The following MID1 variants were observed in gnomAD, a reference collection of about 807,000 sequenced individuals.
The protein encoded by MID1 is E3 ubiquitin-protein ligase Midline-1.
A neutral mutation model predicts 40.4 loss-of-function variants in MID1; 7 were observed. The ratio of observed to expected loss-of-function variants is 0.17; its 90% confidence interval spans 0.10 to 0.33. The LOEUF is 0.33. Among genes scored for constraint, MID1 ranks in the 10% least tolerant of loss-of-function variants. The probability of loss-of-function intolerance (pLI) is 1.00; values close to 1 mark genes in which losing one functional copy is unlikely to be tolerated. For synonymous variants in MID1, 229 were observed against 221.2 expected (o/e 1.04, Z -0.31); for missense variants, 367 against 558.5 (o/e 0.66, Z 3.46).
intron 1 of MID1, among the ~76,000 whole-genome samples, chrX:10,805,909 G>T (rs1386926515): frequency 9.1e-6 from 1 of 109,873 alleles, no homozygotes; most frequent in African/African-American, 3.3e-5. Flanking sequence ...CCCACTTTTT[G>T]ATGGGGTTGT....
intron 1 of MID1, among the ~76,000 whole-genome samples, chrX:10,660,520 A>C (rs759785586): frequency 2.0e-4 from 23 of 112,388 alleles, no homozygotes; most frequent in Non-Finnish European, 3.9e-4. Context: ...CGTTTATGAG[A>C]TCTCCACATC....
At chrX:10,593,762 G>C (rs866243584) in intron 1 of MID1, among the ~76,000 whole-genome samples, 7 of 83,317 alleles carry the variant, frequency 8.4e-5, no homozygotes, top group African/African-American at 1.3e-4. Flanking sequence ...CTGTCCCTCT[G>C]ACACACACAC....
chrX:10,664,451 T>G (rs2042937199), intron 1 of MID1, among the ~76,000 whole-genome samples: 1 of 112,369 alleles, frequency 8.9e-6, no homozygotes, highest in Non-Finnish European at 1.9e-5. Flanking sequence ...ATTATAGGCA[T>G]GAGCCACCAC....
chrX:10,741,325 G>A (rs962787543), intron 1 of MID1, among the ~76,000 whole-genome samples: 2 of 111,130 alleles, frequency 1.8e-5, no homozygotes, highest in Non-Finnish European at 3.8e-5. Context: ...TTTTAGGATC[G>A]TGAGAGGCTT....
At chrX:10,606,216 C>T (rs1003081380) in intron 1 of MID1, among the ~76,000 whole-genome samples, 1 of 110,409 alleles carries the variant, frequency 9.1e-6, no homozygotes, top group South Asian at 3.8e-4. Flanking sequence ...AATTCTAATA[C>T]AGGTAAGAAT....
intron 1 of MID1, among the ~76,000 whole-genome samples, chrX:10,671,079 C>T (rs2042984601): frequency 8.9e-6 from 1 of 111,947 alleles, no homozygotes; most frequent in Non-Finnish European, 1.9e-5. Flanking sequence ...TCATGGATCA[C>T]ACCCTACTGA....
intron 1 of MID1, among the ~76,000 whole-genome samples, chrX:10,795,814 T>C (rs1163197802): frequency 8.9e-6 from 1 of 112,233 alleles, no homozygotes; most frequent in Non-Finnish European, 1.9e-5. Context: ...TTTACAACTC[T>C]GAAAAGGCCA....
At chrX:10,635,275 T>C (rs1489754475) in intron 1 of MID1, among the ~76,000 whole-genome samples, 2 of 111,972 alleles carry the variant, frequency 1.8e-5, no homozygotes, top group African/African-American at 6.5e-5. Context: ...CCCACATGTA[T>C]CCTACTTTAG....
At chrX:10,672,239 T>C (rs754311880) in intron 1 of MID1, among the ~76,000 whole-genome samples, 2 of 109,086 alleles carry the variant, frequency 1.8e-5, no homozygotes, top group Non-Finnish European at 3.8e-5. Flanking sequence ...AAAAAAAAAA[T>C]TGAAAGAAGA....
At chrX:10,583,689 C>T (rs1935069588) in intron 1 of MID1, among the ~76,000 whole-genome samples, 1 of 112,014 alleles carries the variant, frequency 8.9e-6, no homozygotes, top group Non-Finnish European at 1.9e-5. Flanking sequence ...ATGTTTTAGT[C>T]CATTTTGTGC....
At chrX:10,536,898 G>A (rs1397089611) in intron 2 of MID1, among the ~76,000 whole-genome samples, 8 of 111,473 alleles carry the variant, frequency 7.2e-5, no homozygotes, top group East Asian at 2.8e-4. Flanking sequence ...GGCCTTTCCC[G>A]AGTTCCTTCA....
chrX:10,787,660 C>T, intron 1 of MID1, among the ~76,000 whole-genome samples: 1 of 100,143 alleles, frequency 1.0e-5, no homozygotes. Context: ...ATCCTCTCGG[C>T]TAAGCCTCCC....
chrX:10,554,522 C>T (rs907720693), intron 2 of MID1, among the ~76,000 whole-genome samples: 2 of 111,795 alleles, frequency 1.8e-5, no homozygotes, highest in African/African-American at 3.3e-5. Flanking sequence ...AATATTTGTA[C>T]ATATTTATGG....
At chrX:10,588,003 C>T (rs749139798) in intron 1 of MID1, among the ~76,000 whole-genome samples, 72 of 111,835 alleles carry the variant, frequency 6.4e-4, no homozygotes, top group African/African-American at 2.0e-3. Flanking sequence ...TGTTAAAGAG[C>T]AGGTTGGTGC....
chrX:10,574,966 C>T (rs1282182696), intron 1 of MID1, among the ~76,000 whole-genome samples: 4 of 112,662 alleles, frequency 3.6e-5, no homozygotes, highest in African/African-American at 1.3e-4. Flanking sequence ...TTTACCAAAA[C>T]ATAACTGAGA....
intron 1 of MID1, among the ~76,000 whole-genome samples, chrX:10,771,090 G>A (rs1474424448): frequency 9.6e-6 from 1 of 103,782 alleles, no homozygotes. Context: ...GGGTGAGAGA[G>A]AGACTCTGTC....
intron 1 of MID1, among the ~76,000 whole-genome samples, chrX:10,655,091 G>T (rs369359097): frequency 3.6e-5 from 4 of 112,112 alleles, no homozygotes; most frequent in Admixed American, 9.4e-5. Context: ...AAGTTGGACA[G>T]CGGAAGAATG....
chrX:10,788,333 G>A (rs926497660), intron 1 of MID1, among the ~76,000 whole-genome samples: 2 of 111,735 alleles, frequency 1.8e-5, no homozygotes, highest in South Asian at 3.8e-4. Context: ...AATGACTTAA[G>A]TTTCCTTGAA....
intron 2 of MID1, among the ~76,000 whole-genome samples, chrX:10,534,995 C>T (rs1377460628): frequency 8.9e-6 from 1 of 112,544 alleles, no homozygotes; most frequent in Admixed American, 9.4e-5. Context: ...ATCATCTTTA[C>T]TCAGCCATTT....
Sources: allele counts gnomAD v4.1 joint callset (sites outside exome capture counted in the v4.1 genomes callset), GRCh38; gene constraint gnomAD v4.1.1; transcripts MANE v1.5; gene names NCBI Gene and HGNC (gene_info 2026-07-23, HGNC 2026-07-21).